GABRG1: variants seen among roughly 807,000 people sequenced by gnomAD.
GABRG1 encodes the protein gamma-aminobutyric acid receptor subunit gamma-1.
Under a neutral mutation model 49.8 loss-of-function variants are expected in GABRG1, and 49 were observed. That is an observed-to-expected ratio of 0.98 (90% CI 0.78 to 1.25). The LOEUF is 1.25. Ranked by LOEUF, GABRG1 falls within the 50% of genes most tolerant of loss-of-function variation. The pLI is 0.00. For synonymous variants in GABRG1, 232 were observed against 185.1 expected, an observed-to-expected ratio of 1.25 and a Z score of -2.06; for missense variants, 552 against 552.3, an observed-to-expected ratio of 1.00 and a Z score of 0.01.
At chr4:46,080,838 T>C (rs1057214409) in intron 3 of GABRG1, among the ~76,000 whole-genome samples, 2 of 151,836 alleles carry the variant, frequency 1.3e-5, no homozygotes, top group African/African-American at 2.4e-5. Context: ...TCTCTAGGCA[T>C]TGGTTACTTA....
chr4:46,051,569 T>A lies in GABRG1; in HGVS notation c.986A>T (p.Tyr329Phe), dbSNP rs1718223032. 6.2e-7 allele frequency: 1 copy of A among 1,611,714 alleles called. No individual in the cohort carries two copies. Among genetic ancestry groups the A allele is most frequent in the Non-Finnish European group, 8.5e-7 (1 of 1,178,582 alleles). Reference sequence around the variant, plus strand: ...AACAAAGAGATCCATCGCAGTCACATAAGAAACCTTAGGTAAAGACTTCCT... The same window carrying A: ...AACAAAGAGATCCATCGCAGTCACAAAAGAAACCTTAGGTAAAGACTTCCT... ...IARKSLPKVSYVTAMDLFVSV... is the reference protein window; with the variant it reads ...IARKSLPKVSFVTAMDLFVSV... The change falls in exon 8 of 9, where the codon TAT becomes TTT. Residue 329 changes from tyrosine to phenylalanine, a missense_variant. Transcript: ENST00000295452.
intron 8 of GABRG1, among the ~76,000 whole-genome samples, chr4:46,050,248 A>T (rs1718164936): frequency 1.3e-5 from 2 of 152,054 alleles, no homozygotes; most frequent in South Asian, 4.1e-4. Flanking sequence ...AATGCAAGTT[A>T]TCAAATTTGT....
chr4:46,100,483 A>T (rs530275787), intron 1 of GABRG1, among the ~76,000 whole-genome samples: 1 of 151,656 alleles, frequency 6.6e-6, no homozygotes, highest in African/African-American at 2.4e-5. Flanking sequence ...AAGTAAAAAA[A>T]AAATACTGAA....
rs1270005176 is a variant in GABRG1, at chr4:46,040,622, C to T, written c.*366G>A. 1 of 154,500 alleles carries T rather than the reference C, an allele frequency of 6.5e-6. No individual in the cohort carries two copies. The highest frequency in any genetic ancestry group is 1.9e-4 in the East Asian group (1 of 5,320). 9.6% of individuals were successfully genotyped at this position (154,500 alleles called of 1,614,324 possible). ...ACATAAATATTAGTAATTAGTCTTA[C>T]ATTACAAAACAATTATAGATTATAT... On this transcript the variant is annotated 3_prime_UTR_variant, in exon 9 of 9. Coordinates refer to ENST00000295452, the MANE Select transcript of GABRG1 (RefSeq NM_173536.4).
chr4:46,120,054 C>T (rs1721049655), intron 1 of GABRG1, among the ~76,000 whole-genome samples: 1 of 151,616 alleles, frequency 6.6e-6, no homozygotes, highest in African/African-American at 2.4e-5. Flanking sequence ...ACGACAACTC[C>T]ACACTAATGA....
intron 1 of GABRG1, among the ~76,000 whole-genome samples, chr4:46,115,215 A>G (rs980592744): frequency 6.6e-6 from 1 of 150,738 alleles, no homozygotes; most frequent in Non-Finnish European, 1.5e-5. Flanking sequence ...TCTGTAAGTA[A>G]AACCTCATTG....
At chr4:46,092,992 C>T (rs1720041235) in intron 2 of GABRG1, among the ~76,000 whole-genome samples, 1 of 150,104 alleles carries the variant, frequency 6.7e-6, no homozygotes, top group African/African-American at 2.5e-5. Context: ...TTGCTTGAAC[C>T]CAGAAGGAGG....
At chr4:46,080,656 C>G (rs75371949) in intron 3 of GABRG1, among the ~76,000 whole-genome samples, 4 of 151,704 alleles carry the variant, frequency 2.6e-5, no homozygotes, top group Non-Finnish European at 5.9e-5. Context: ...GATAGCCATT[C>G]TTGTCAAAGT....
At chr4:46,093,428 A>T (rs1720065482) in intron 2 of GABRG1, among the ~76,000 whole-genome samples, 1 of 152,080 alleles carries the variant, frequency 6.6e-6, no homozygotes, top group Non-Finnish European at 1.5e-5. Context: ...ATAGAGTTAG[A>T]ATAGAATGAT....
intron 3 of GABRG1, among the ~76,000 whole-genome samples, chr4:46,079,309 T>C (rs1233115831): frequency 6.6e-6 from 1 of 151,864 alleles, no homozygotes; most frequent in East Asian, 1.9e-4. Flanking sequence ...TAAATTGTCG[T>C]CTTCGTAACT....
intron 8 of GABRG1, among the ~76,000 whole-genome samples, 180 bp from the exon 9 acceptor site, chr4:46,041,434 T>C (rs1328630137): frequency 6.6e-6 from 1 of 151,912 alleles, no homozygotes; most frequent in Non-Finnish European, 1.5e-5. Context: ...TAATAGAACA[T>C]TTGTTACATT....
chr4:46,076,855 A>G (rs1719359340), intron 3 of GABRG1, among the ~76,000 whole-genome samples: 2 of 151,730 alleles, frequency 1.3e-5, no homozygotes, highest in Admixed American at 1.3e-4. Flanking sequence ...CAAAATATTC[A>G]CTTTCAATAT....
At chr4:46,042,285 T>C (rs1717816987) in intron 8 of GABRG1, among the ~76,000 whole-genome samples, 2 of 151,938 alleles carry the variant, frequency 1.3e-5, no homozygotes, top group South Asian at 4.1e-4. Context: ...CAAACAATAA[T>C]AATAGCAACA....
Position 46,079,195 on chromosome 4 carries a change from G to C in GABRG1, c.321+4791C>G, listed in dbSNP as rs1222452237. ...CCAGAATGAAAGCATTCTGTCATTT[G>C]CTAAGTTAGCCTGATCCTCTTTGCC... is the stretch of plus-strand genomic sequence containing the variant. On this transcript the variant is annotated intron_variant, in intron 3 of 8. Transcript: ENST00000295452. Among the ~76,000 whole-genome samples the C allele has an allele frequency of 2.0e-5, 3 of 151,512 alleles. No individual in the cohort carries two copies. In the East Asian group the frequency reaches 5.8e-4, roughly 29 times the overall value.
intron 1 of GABRG1, among the ~76,000 whole-genome samples, chr4:46,098,594 A>T (rs1196567985): frequency 6.6e-6 from 1 of 151,770 alleles, no homozygotes; most frequent in East Asian, 1.9e-4. Flanking sequence ...ATTGCTAAGA[A>T]ATACATCAAG....
At chr4:46,061,400 T>G (rs973479425) in intron 5 of GABRG1, among the ~76,000 whole-genome samples, 1 of 152,108 alleles carries the variant, frequency 6.6e-6, no homozygotes, top group Non-Finnish European at 1.5e-5. Flanking sequence ...GTTATGCTTA[T>G]GAATAAAATG....
chr4:46,101,029 GCACTTATAGTGTGTTT>G (rs1441472320), intron 1 of GABRG1, among the ~76,000 whole-genome samples: 1 of 151,422 alleles, frequency 6.6e-6, no homozygotes, highest in Non-Finnish European at 1.5e-5. Flanking sequence ...TAAAAACATA[GCACTTATAGTGTGTTT>G]CATGTCCTGA....
intron 1 of GABRG1, among the ~76,000 whole-genome samples, chr4:46,110,282 T>C (rs950039970): frequency 6.6e-6 from 1 of 151,060 alleles, no homozygotes; most frequent in Non-Finnish European, 1.5e-5. Context: ...CCTTTGTCCA[T>C]TTTTACTGTT....
At chr4:46,095,425 G>A (rs1018767355) in intron 2 of GABRG1, among the ~76,000 whole-genome samples, 2 of 151,714 alleles carry the variant, frequency 1.3e-5, no homozygotes, top group Non-Finnish European at 2.9e-5. Flanking sequence ...TGAAAAAAAT[G>A]TATCAATGTC....
Sources: allele counts gnomAD v4.1 joint callset (sites outside exome capture counted in the v4.1 genomes callset), GRCh38; gene constraint gnomAD v4.1.1; transcripts MANE v1.5; gene names NCBI Gene and HGNC (gene_info 2026-07-23, HGNC 2026-07-21).